CACNA2D1: variants seen among roughly 807,000 people sequenced by gnomAD.
CACNA2D1 encodes calcium voltage-gated channel auxiliary subunit alpha2delta 1, also known as voltage-dependent calcium channel subunit alpha-2/delta-1.
In CACNA2D1, 53 loss-of-function variants were observed where a neutral mutation model predicts 171.5. That is an observed-to-expected ratio of 0.31 (90% CI 0.25 to 0.39). The LOEUF (loss-of-function observed/expected upper bound fraction) is 0.39. Ranked by LOEUF, CACNA2D1 falls within the 10% of genes least tolerant of loss-of-function variation. CACNA2D1 has a pLI of 1.00. For synonymous variants in CACNA2D1, 442 were observed against 443.1 expected, an observed-to-expected ratio of 1.00 and a Z score of 0.03; for missense variants, 903 against 1,299.8, an observed-to-expected ratio of 0.69 and a Z score of 4.69.
At chr7:82,262,815 G>A (rs985250426) in intron 3 of CACNA2D1, among the ~76,000 whole-genome samples, 2 of 152,082 alleles carry the variant, frequency 1.3e-5, no homozygotes, top group African/African-American at 4.8e-5. Context: ...ACCTGTAAGA[G>A]TCACACTCTC....
At chr7:82,405,623 A>G (rs1239429796) in intron 1 of CACNA2D1, among the ~76,000 whole-genome samples, 4 of 152,190 alleles carry the variant, frequency 2.6e-5, no homozygotes. Flanking sequence ...TATACATAAT[A>G]TATGTACTTA....
chr7:82,292,135 T>C (rs1159944627), intron 3 of CACNA2D1, among the ~76,000 whole-genome samples: 1 of 152,162 alleles, frequency 6.6e-6, no homozygotes. Context: ...AGCAATGTAG[T>C]GTGCTGTGAC....
At chr7:82,299,186 T>C (rs1056930200) in intron 3 of CACNA2D1, among the ~76,000 whole-genome samples, 4 of 152,258 alleles carry the variant, frequency 2.6e-5, no homozygotes, top group East Asian at 3.9e-4. Flanking sequence ...AGACATACTA[T>C]GTACAAAATG....
In CACNA2D1 at chr7:82,248,990, A is replaced by G. The variant is rs535814957; in HGVS notation, c.295-78381T>C. 3.7e-3 allele frequency among the ~76,000 whole-genome samples: 566 copies of G among 152,012 alleles called. 3 individuals are homozygous for G. The highest frequency in any genetic ancestry group is 4.7e-3 in the Non-Finnish European group (318 of 67,932). On this transcript the variant is annotated intron_variant, in intron 3 of 38. Transcript: ENST00000356860. ...AAATTAGCTGGGCGTGGTGGCAGGC[A>G]TCTGTAGTCCCAGCTACTCAGGAGG...
chr7:81,956,870 C>T (rs1210654058), intron 38 of CACNA2D1, among the ~76,000 whole-genome samples: 1 of 109,166 alleles, frequency 9.2e-6, no homozygotes, highest in Non-Finnish European at 2.0e-5. Context: ...AATGCAAATC[C>T]AAGACCCAAA....
intron 7 of CACNA2D1, among the ~76,000 whole-genome samples, chr7:82,069,521 G>T (rs1808061650): frequency 6.6e-6 from 1 of 152,086 alleles, no homozygotes; most frequent in African/African-American, 2.4e-5. Flanking sequence ...TAAATCTACT[G>T]GTCTACCATT....
chr7:81,961,715 C>T (rs752297751), intron 36 of CACNA2D1, among the ~76,000 whole-genome samples, 179 bp downstream of exon 36: 30 of 151,890 alleles, frequency 2.0e-4, no homozygotes, highest in Non-Finnish European at 2.1e-4. Flanking sequence ...TAAAAGTCTA[C>T]AGAGAAACTA....
At chr7:82,032,662 A>G (rs903690628) in intron 12 of CACNA2D1, 135 bp downstream of exon 12, 27 of 578,834 alleles carry the variant, frequency 4.7e-5, no homozygotes, top group Non-Finnish European at 8.2e-5. Context: ...TTTATAATCT[A>G]TGATTCATAT....
At chr7:82,043,333 ACT>A (rs1029748969) in intron 10 of CACNA2D1, among the ~76,000 whole-genome samples, 1 of 152,160 alleles carries the variant, frequency 6.6e-6, no homozygotes, top group Admixed American at 6.5e-5. Flanking sequence ...TTAAATGGCA[ACT>A]CTATTGTTTT....
At chr7:82,033,478 T>C (rs1049812319) in intron 11 of CACNA2D1, among the ~76,000 whole-genome samples, 2 of 152,072 alleles carry the variant, frequency 1.3e-5, no homozygotes, top group African/African-American at 4.8e-5. Context: ...AATGTGTATC[T>C]TCAATCCACT....
chr7:82,162,291 CT>C (rs35313227), intron 4 of CACNA2D1, among the ~76,000 whole-genome samples: 15 of 149,214 alleles, frequency 1.0e-4, no homozygotes, highest in African/African-American at 2.5e-4. Flanking sequence ...GGGTAATAGA[CT>C]TTTTTTTTTC....
At chr7:82,117,439 G>T (rs1789200992) in intron 5 of CACNA2D1, among the ~76,000 whole-genome samples, 1 of 152,022 alleles carries the variant, frequency 6.6e-6, no homozygotes, top group South Asian at 2.1e-4. Flanking sequence ...ATCTTTGGGG[G>T]ACGAGGGAGA....
At chr7:82,226,244 A>G (rs1184010426) in intron 3 of CACNA2D1, among the ~76,000 whole-genome samples, 1 of 152,112 alleles carries the variant, frequency 6.6e-6, no homozygotes, top group Non-Finnish European at 1.5e-5. Context: ...TGTACCCCCA[A>G]CATCACCACG....
chr7:82,332,510 TAAAGAAAG>T (rs757450961), intron 3 of CACNA2D1, among the ~76,000 whole-genome samples: 1,071 of 92,636 alleles, frequency 0.012, 8 homozygotes, highest in Middle Eastern at 0.027. Flanking sequence ...AAAAGAAATA[TAAAGAAAG>T]AAAGAAAGAA....
chr7:82,146,544 C>A (rs4732430), intron 4 of CACNA2D1, among the ~76,000 whole-genome samples: 24,519 of 117,856 alleles, frequency 0.21, 3,421 homozygotes, highest in Middle Eastern at 0.3. Context: ...ATATCTTTTA[C>A]AGGTAAGAAG....
chr7:82,013,739 A>G (rs1302359122), intron 13 of CACNA2D1, among the ~76,000 whole-genome samples: 1 of 151,918 alleles, frequency 6.6e-6, no homozygotes, highest in African/African-American at 2.4e-5. Context: ...ACTATAAAAT[A>G]GGTATTCTTC....
At chr7:82,269,399 T>C (rs552514976) in intron 3 of CACNA2D1, among the ~76,000 whole-genome samples, 76 of 152,332 alleles carry the variant, frequency 5.0e-4, no homozygotes, top group African/African-American at 1.7e-3. Flanking sequence ...GACCCTTCAT[T>C]ACTGTCCTCT....
Position 81,977,512 on chromosome 7 carries a change from T to C in CACNA2D1, c.1956-2960A>G, listed in dbSNP as rs186740683. Among the ~76,000 whole-genome samples the C allele has an allele frequency of 7.8e-3, 1,186 of 152,202 alleles. 19 individuals are homozygous for C. Among genetic ancestry groups the C allele is most frequent in the African/African-American group, 0.027 (1,108 of 41,540 alleles). On this transcript the variant is annotated intron_variant, in intron 24 of 38. Transcript: ENST00000356860. ...GGGAAAAGATTCCCTATTTAATAAA[T>C]GGTGTTGGGAAAACTGGCTAGCCAC... is the stretch of plus-strand genomic sequence containing the variant.
At chr7:81,983,191 G>A (rs919583315) in intron 23 of CACNA2D1, 123 bp downstream of exon 23, 18 of 807,712 alleles carry the variant, frequency 2.2e-5, no homozygotes, top group South Asian at 4.7e-5. Context: ...AGTTTTGAGT[G>A]ATCATGAAGG....
Sources: allele counts gnomAD v4.1 joint callset (sites outside exome capture counted in the v4.1 genomes callset), GRCh38; gene constraint gnomAD v4.1.1; transcripts MANE v1.5; gene names NCBI Gene and HGNC (gene_info 2026-07-23, HGNC 2026-07-21).